Variants in MEMO1 observed in about 807,000 individuals in gnomAD.
MEMO1 encodes protein MEMO1.
A neutral mutation model predicts 45.2 loss-of-function variants in MEMO1; 6 were observed. The ratio of observed to expected loss-of-function variants is 0.13; its 90% confidence interval spans 0.07 to 0.26. The LOEUF is 0.26. Among genes scored for constraint, MEMO1 ranks in the 10% least tolerant of loss-of-function variants. The probability of loss-of-function intolerance (pLI) is 1.00; values close to 1 mark genes in which losing one functional copy is unlikely to be tolerated. For missense variants in MEMO1, 184 were observed against 370.5 expected (o/e 0.50, Z 4.13); for synonymous variants, 78 against 124.3 (o/e 0.63, Z 2.48).
chr2:31,977,934 TAG>T (rs1670194419), intron 2 of MEMO1, among the ~76,000 whole-genome samples: 1 of 152,198 alleles, frequency 6.6e-6, no homozygotes, highest in African/African-American at 2.4e-5. Flanking sequence ...GTTAATAATC[TAG>T]GATATTGCTT....
At chr2:31,934,994 GATA>G (rs1664744198) in intron 3 of MEMO1, among the ~76,000 whole-genome samples, 1 of 152,140 alleles carries the variant, frequency 6.6e-6, no homozygotes, top group South Asian at 2.1e-4. Context: ...AAAGGATAAT[GATA>G]ATAATAGTAA....
intron 2 of MEMO1, among the ~76,000 whole-genome samples, chr2:31,960,311 A>T (rs1375371151): frequency 6.6e-6 from 1 of 152,168 alleles, no homozygotes; most frequent in Non-Finnish European, 1.5e-5. Context: ...ATTAAAAAGG[A>T]GAATGATAAT....
intron 6 of MEMO1, among the ~76,000 whole-genome samples, chr2:31,897,224 G>A (rs1411924643): frequency 6.6e-6 from 1 of 151,864 alleles, no homozygotes; most frequent in Non-Finnish European, 1.5e-5. Context: ...TCTTTCTCTT[G>A]CCTTATTGCA....
chr2:31,881,736 G>A (rs931383348), intron 8 of MEMO1, among the ~76,000 whole-genome samples: 2 of 151,978 alleles, frequency 1.3e-5, no homozygotes, highest in Non-Finnish European at 2.9e-5. Context: ...TGCCAAGTGC[G>A]GCAGCTCACA....
At chr2:31,958,728 T>G (rs556842774) in intron 2 of MEMO1, among the ~76,000 whole-genome samples, 1 of 152,288 alleles carries the variant, frequency 6.6e-6, no homozygotes, top group Admixed American at 6.5e-5. Context: ...CTCAGCTGAG[T>G]GCAACCTCCG....
In MEMO1 at chr2:31,976,725, T is replaced by C. The variant is rs191607571; in HGVS notation, c.62-33342A>G. Among the ~76,000 whole-genome samples the C allele has an allele frequency of 8.9e-4, 136 of 152,332 alleles. 1 individual carries two copies. The highest frequency in any genetic ancestry group is 1.7e-3 in the Non-Finnish European group (117 of 68,030). On this transcript the variant is annotated intron_variant, in intron 2 of 9. Coordinates refer to ENST00000404530, the MANE Select transcript of MEMO1 (RefSeq NM_001301833.4). ...CTATTTTTGCTAATCAATACAAATA[T>C]AGCTTTTTTTCTTTTAGAGAGTCTT...
intron 6 of MEMO1, among the ~76,000 whole-genome samples, chr2:31,912,539 A>G (rs1166564566): frequency 6.6e-6 from 1 of 150,938 alleles, no homozygotes; most frequent in Non-Finnish European, 1.5e-5. Flanking sequence ...AAAAGCAATT[A>G]TAATAGTAAA....
chr2:31,991,226 G>A (rs1246588122), intron 2 of MEMO1, among the ~76,000 whole-genome samples: 1 of 152,142 alleles, frequency 6.6e-6, no homozygotes, highest in African/African-American at 2.4e-5. Flanking sequence ...GGGGAACATG[G>A]AATACACAAG....
chr2:31,913,301 A>G (rs1057042268), intron 6 of MEMO1, among the ~76,000 whole-genome samples: 2 of 151,110 alleles, frequency 1.3e-5, no homozygotes, highest in Non-Finnish European at 2.9e-5. Flanking sequence ...TTAGACATCT[A>G]TTTTTTAAAA....
intron 2 of MEMO1, among the ~76,000 whole-genome samples, chr2:32,007,661 A>T (rs375533730): frequency 6.6e-6 from 1 of 152,254 alleles, no homozygotes; most frequent in Non-Finnish European, 1.5e-5. Flanking sequence ...TAGGAACCAC[A>T]GAATGACAAT....
At chr2:31,982,212 G>A (rs182519990) in intron 2 of MEMO1, among the ~76,000 whole-genome samples, 3 of 150,484 alleles carry the variant, frequency 2.0e-5, no homozygotes, top group Admixed American at 6.7e-5. Flanking sequence ...CAGGAGAATC[G>A]CTTGAACCCA....
intron 2 of MEMO1, among the ~76,000 whole-genome samples, chr2:31,959,641 G>A (rs1667785249): frequency 6.6e-6 from 1 of 151,804 alleles, no homozygotes; most frequent in Non-Finnish European, 1.5e-5. Flanking sequence ...AATGGAGAAA[G>A]CAAATGAAAA....
intron 6 of MEMO1, among the ~76,000 whole-genome samples, chr2:31,897,429 G>A (rs764789203): frequency 2.6e-5 from 4 of 152,092 alleles, no homozygotes; most frequent in African/African-American, 4.8e-5. Context: ...AGCATGAAGC[G>A]GTATTGAATT....
At chr2:31,919,949 CGT>C (rs61002743) in intron 5 of MEMO1, among the ~76,000 whole-genome samples, 113,198 of 145,166 alleles carry the variant, frequency 0.78, 43,932 homozygotes, top group East Asian at 0.87. Flanking sequence ...CACACATACA[CGT>C]GTGTGTGTGT....
chr2:31,972,779 C>G (rs1339250243), intron 2 of MEMO1, among the ~76,000 whole-genome samples: 1 of 152,028 alleles, frequency 6.6e-6, no homozygotes, highest in Non-Finnish European at 1.5e-5. Context: ...GATTAATACC[C>G]AGAATATATA....
intron 2 of MEMO1, among the ~76,000 whole-genome samples, chr2:32,009,625 C>T (rs1674558413): frequency 6.6e-6 from 1 of 152,026 alleles, no homozygotes; most frequent in South Asian, 2.1e-4. Context: ...GGCGCGGGGG[C>T]TCGGGGGCAG....
At chr2:31,967,525 T>G (rs1191786464) in intron 2 of MEMO1, among the ~76,000 whole-genome samples, 1 of 152,186 alleles carries the variant, frequency 6.6e-6, no homozygotes, top group Non-Finnish European at 1.5e-5. Flanking sequence ...TATGACTCAC[T>G]GCAGCCTTGA....
Position 31,869,954 on chromosome 2 carries a change from T to TAAAAA in MEMO1, c.658-7_658-3dup. ...TAATTGTTCTATAATACTCATACCC[T>TAAAAA]AAAAAAAAAAAAAAAGAAGAGGAAG... On this transcript the variant is annotated splice_region_variant and splice_polypyrimidine_tract_variant and intron_variant, in intron 8 of 9. Coordinates refer to ENST00000404530, the MANE Select transcript of MEMO1 (RefSeq NM_001301833.4). 2.6e-6 allele frequency: 3 copies of TAAAAA among 1,170,388 alleles called. No individual in the cohort carries two copies. The highest frequency in any genetic ancestry group is 2.2e-6 in the Non-Finnish European group (2 of 909,524). 72.5% of individuals were successfully genotyped at this position (1,170,388 alleles called of 1,614,324 possible).
intron 2 of MEMO1, among the ~76,000 whole-genome samples, chr2:31,973,938 C>G (rs568390090): frequency 1.5e-4 from 23 of 152,198 alleles, no homozygotes; most frequent in Middle Eastern, 3.4e-3. Flanking sequence ...GAAATACACA[C>G]ATTATAATTG....
Sources: gnomAD v4.1 joint callset for allele counts (sites outside exome capture counted in the v4.1 genomes callset) on GRCh38, gnomAD v4.1.1 for gene constraint, MANE v1.5 for transcripts, NCBI Gene and HGNC (gene_info 2026-07-23, HGNC 2026-07-21) for gene names.